Variants in CLEC16A observed in about 807,000 individuals in gnomAD.
CLEC16A encodes C-type lectin domain containing 16A, also known as protein CLEC16A.
In CLEC16A, 51 loss-of-function variants were observed where a neutral mutation model predicts 109.5. The ratio of observed to expected loss-of-function variants is 0.47; its 90% CI spans 0.37 to 0.59. CLEC16A has a LOEUF of 0.59. CLEC16A is among the 20% of genes least tolerant of loss of function. The pLI is 0.00. For synonymous variants in CLEC16A, 673 were observed against 564.2 expected (o/e 1.19, Z -2.73); for missense variants, 1,339 against 1,394.0 (o/e 0.96, Z 0.63).
rs1248045027 is a variant in CLEC16A at position 11,055,603 on chromosome 16, T to TTTTTTTG, written c.1995+3965_1995+3966insTTTGTTT. 5.0e-5 allele frequency among the ~76,000 whole-genome samples: 7 copies of TTTTTTTG among 140,002 alleles called. 1 individual carries two copies. The highest frequency in any genetic ancestry group is 1.9e-4 in the African/African-American group (7 of 36,328). The allele number at this position is 140,002 out of a possible 152,430, so 91.8% of individuals were successfully genotyped here. A position where few individuals can be genotyped will look rare whatever the true frequency, so the allele number is the denominator to read the frequency against. On this transcript the variant is annotated intron_variant, in intron 18 of 23. Transcript: ENST00000409790. Reference sequence around the variant, plus strand: ...TTTTTTTTTTTTTTTTTTTTTTTTTTTTTGAGACGAGTCTCAGTCTGTCAC... The same window carrying TTTTTTTG: ...TTTTTTTTTTTTTTTTTTTTTTTTTTTTTTTTGTTTGAGACGAGTCTCAGTCTGTCAC...
chr16:11,092,587 G>A (rs1332447998), intron 19 of CLEC16A, among the ~76,000 whole-genome samples: 6 of 152,190 alleles, frequency 3.9e-5, no homozygotes, highest in African/African-American at 1.4e-4. Flanking sequence ...TCCCTGGCTT[G>A]CAGGCATTTC....
intron 8 of CLEC16A, among the ~76,000 whole-genome samples, chr16:10,978,190 A>T (rs761604742): frequency 6.6e-6 from 1 of 152,184 alleles, no homozygotes. Flanking sequence ...GACGGCTGGT[A>T]ACATGCAGGG....
intron 9 of CLEC16A, among the ~76,000 whole-genome samples, chr16:10,981,765 A>G (rs905268023): frequency 3.9e-5 from 6 of 152,238 alleles, no homozygotes; most frequent in Non-Finnish European, 8.8e-5. Flanking sequence ...CCCCAGAGAC[A>G]ATTAGGGTTA....
intron 8 of CLEC16A, among the ~76,000 whole-genome samples, chr16:10,978,918 G>A (rs570811097): frequency 1.3e-5 from 2 of 152,178 alleles, no homozygotes; most frequent in South Asian, 2.1e-4. Context: ...ATAAACGAGG[G>A]GCTTTTCCAA....
At chr16:11,146,911 A>G (rs1270004060) in intron 22 of CLEC16A, among the ~76,000 whole-genome samples, 1 of 152,152 alleles carries the variant, frequency 6.6e-6, no homozygotes, top group Non-Finnish European at 1.5e-5. Context: ...CACTGTGGAC[A>G]CCTTAGATAG....
At chr16:11,123,977 C>G (rs759507475) in intron 21 of CLEC16A, 31 bp downstream of exon 21, 2 of 1,563,580 alleles carry the variant, frequency 1.3e-6, no homozygotes, top group Admixed American at 1.9e-5. Flanking sequence ...AGGGCATCCT[C>G]TGAGCACTTG....
chr16:10,979,659 C>T (rs1203703539), intron 9 of CLEC16A, among the ~76,000 whole-genome samples: 1 of 152,138 alleles, frequency 6.6e-6, no homozygotes, highest in African/African-American at 2.4e-5. Flanking sequence ...ACTGAGGTTT[C>T]CAAAACAACT....
At chr16:11,079,347 A>G (rs558698858) in intron 19 of CLEC16A, among the ~76,000 whole-genome samples, 1 of 152,342 alleles carries the variant, frequency 6.6e-6, no homozygotes, top group East Asian at 1.9e-4. Flanking sequence ...ATGGAGGCTC[A>G]GAAGTTGTTG....
At chr16:11,117,897 C>G (rs13336350) in intron 19 of CLEC16A, among the ~76,000 whole-genome samples, 2,133 of 152,280 alleles carry the variant, frequency 0.014, 35 homozygotes, top group African/African-American at 0.048. Flanking sequence ...TCTAATGGTC[C>G]TATGTTACCC....
At chr16:10,958,050 T>TA (rs35204351) in intron 2 of CLEC16A, 140 bp downstream of exon 2, 136,080 of 516,240 alleles carry the variant, frequency 0.26, 10,261 homozygotes, top group African/African-American at 0.34. Flanking sequence ...TGTCTAGCTG[T>TA]AAAAAAAAAA....
intron 5 of CLEC16A, 99 bp from the exon 6 acceptor site, chr16:10,972,455 C>T: frequency 3.8e-6 from 4 of 1,061,216 alleles, no homozygotes; most frequent in South Asian, 1.3e-5. Flanking sequence ...GTCTCTCTCC[C>T]TCTGAGCAGC....
At chr16:10,984,972 C>T (rs935455753) in intron 10 of CLEC16A, among the ~76,000 whole-genome samples, 20 of 151,996 alleles carry the variant, frequency 1.3e-4, no homozygotes, top group African/African-American at 4.6e-4. Flanking sequence ...GAGGCCGAGG[C>T]GGGCAGATCA....
At chr16:11,048,528 G>A (rs939993635) in intron 17 of CLEC16A, 13 of 152,214 alleles carry the variant, frequency 8.5e-5, no homozygotes, top group African/African-American at 2.7e-4. Context: ...GAAAAAGGCA[G>A]CGTGCACTAA....
intron 17 of CLEC16A, among the ~76,000 whole-genome samples, chr16:11,048,794 G>A (rs1044158648): frequency 4.6e-5 from 7 of 152,006 alleles, no homozygotes; most frequent in African/African-American, 1.5e-4. Flanking sequence ...CCATTCATTA[G>A]AGTGGAAGGG....
chr16:11,025,147 A>G lies in CLEC16A; in HGVS notation c.1537+226A>G, dbSNP rs963126960. ...CACAGGAATTGGTTACTCAGGCAAT[A>G]TGGAGGAAGGTGACTTGAGTGCCTA... On this transcript the variant is annotated intron_variant, in intron 13 of 23. Coordinates refer to ENST00000409790, the MANE Select transcript of CLEC16A (RefSeq NM_015226.3). Among the ~76,000 whole-genome samples the G allele has an allele frequency of 2.6e-4, 40 of 152,152 alleles. 1 individual carries two copies. The highest frequency in any genetic ancestry group is 9.7e-4 in the African/African-American group (40 of 41,422).
chr16:11,126,718 C>T (rs1363720382), intron 22 of CLEC16A: 5 of 162,682 alleles, frequency 3.1e-5, no homozygotes, highest in African/African-American at 4.8e-5. Flanking sequence ...AGGACCACTT[C>T]TCCAGAAGAC....
intron 17 of CLEC16A, among the ~76,000 whole-genome samples, chr16:11,049,223 G>A (rs1203365716): frequency 2.6e-5 from 4 of 152,100 alleles, no homozygotes; most frequent in Non-Finnish European, 4.4e-5. Context: ...GGCCAGGCTG[G>A]TCTCAAACCC....
At chr16:11,115,607 A>G (rs2051928213) in intron 19 of CLEC16A, among the ~76,000 whole-genome samples, 1 of 152,210 alleles carries the variant, frequency 6.6e-6, no homozygotes, top group Non-Finnish European at 1.5e-5. Context: ...TCCTGGGCTC[A>G]AGCGATCCAC....
chr16:11,021,899 T>G (rs2046122433), intron 12 of CLEC16A, among the ~76,000 whole-genome samples: 1 of 152,154 alleles, frequency 6.6e-6, no homozygotes, highest in Non-Finnish European at 1.5e-5. Context: ...AGTATGGTAA[T>G]ACTGTGGCTT....
Sources: gnomAD v4.1 joint callset for allele counts (sites outside exome capture counted in the v4.1 genomes callset) on GRCh38, gnomAD v4.1.1 for gene constraint, MANE v1.5 for transcripts, NCBI Gene and HGNC (gene_info 2026-07-23, HGNC 2026-07-21) for gene names.